DLC1: variants seen among roughly 807,000 people sequenced by gnomAD.
DLC1 encodes DLC1 Rho GTPase activating protein.
Under a neutral mutation model 140.3 loss-of-function variants are expected in DLC1, and 54 were observed. That is an observed-to-expected ratio of 0.38 (90% CI 0.31 to 0.48). The LOEUF is 0.48. Ranked by LOEUF, DLC1 falls within the 20% of genes least tolerant of loss-of-function variation. The probability of loss-of-function intolerance (pLI) is 0.96; values close to 1 mark genes in which losing one functional copy is unlikely to be tolerated. For synonymous variants in DLC1, 986 were observed against 728.1 expected (o/e 1.35, Z -5.70); for missense variants, 2,536 against 1,907.0 (o/e 1.33, Z -6.14).
chr8:13,561,798 T>C (rs1306278359), intron 1 of DLC1, among the ~76,000 whole-genome samples: 1 of 152,196 alleles, frequency 6.6e-6, no homozygotes, highest in East Asian at 1.9e-4. Context: ...AAGACAAAGA[T>C]AAATATCCAA....
intron 2 of DLC1, among the ~76,000 whole-genome samples, chr8:13,479,177 C>T (rs1800570268): frequency 6.6e-6 from 1 of 152,112 alleles, no homozygotes; most frequent in African/African-American, 2.4e-5. Context: ...GAAGAGTGCT[C>T]AGTACATTTT....
At chr8:13,507,765 T>C (rs1802164964) in intron 1 of DLC1, among the ~76,000 whole-genome samples, 1 of 152,196 alleles carries the variant, frequency 6.6e-6, no homozygotes, top group East Asian at 1.9e-4. Flanking sequence ...TTAGGCTGTC[T>C]GGAAAGCATC....
At chr8:13,218,278 A>G (rs1828307381) in intron 5 of DLC1, among the ~76,000 whole-genome samples, 1 of 152,182 alleles carries the variant, frequency 6.6e-6, no homozygotes. Flanking sequence ...AGCTAAAACT[A>G]TAAAACTCCT....
chr8:13,376,491 C>A (rs759003272), intron 4 of DLC1, among the ~76,000 whole-genome samples: 1 of 152,100 alleles, frequency 6.6e-6, no homozygotes, highest in Non-Finnish European at 1.5e-5. Flanking sequence ...CTGCCTGCAA[C>A]CTACCCTTTC....
At chr8:13,132,966 C>A in intron 5 of DLC1, 1 of 1,611,250 alleles carries the variant, frequency 6.2e-7, no homozygotes, top group South Asian at 1.1e-5. Context: ...TGGTGTCCGG[C>A]TTCTTTCTGC....
intron 4 of DLC1, among the ~76,000 whole-genome samples, chr8:13,327,708 C>T (rs1484937012): frequency 2.6e-5 from 4 of 152,224 alleles, no homozygotes; most frequent in Non-Finnish European, 5.9e-5. Flanking sequence ...GTATCAGGCA[C>T]TGTGCCAAGC....
chr8:13,305,017 T>A, intron 5 of DLC1: 4 of 1,111,570 alleles, frequency 3.6e-6, no homozygotes, highest in East Asian at 5.0e-5. Context: ...GAAAAAAAAA[T>A]TGTGGTTGCA....
intron 10 of DLC1, among the ~76,000 whole-genome samples, chr8:13,097,512 T>C (rs559780755): frequency 5.5e-4 from 83 of 152,148 alleles, no homozygotes; most frequent in African/African-American, 1.7e-3. Flanking sequence ...GATCCACCTA[T>C]GTCAGATTCC....
At position 13,084,249 on chromosome 8, in the gene DLC1, T is replaced by G. The variant is rs1275868378; in HGVS notation, c.*1562A>C. 1 of 152,618 alleles carries G rather than the reference T, an allele frequency of 6.6e-6. No homozygotes were observed. Among genetic ancestry groups the G allele is most frequent in the Non-Finnish European group, 1.5e-5 (1 of 68,022 alleles). 9.5% of individuals were successfully genotyped at this position (152,618 alleles called of 1,614,324 possible). On this transcript the variant is annotated 3_prime_UTR_variant, in exon 18 of 18. Coordinates refer to ENST00000276297, the MANE Select transcript of DLC1 (RefSeq NM_182643.3). ...CAAAATTGAATATCCATGTATATCT[T>G]CATGAGGAACACTGATATCCAAAAT...
rs537405124 is a variant in DLC1, at chr8:13,158,190, C to T, written c.1349-42533G>A. Among the ~76,000 whole-genome samples, 9 of 152,256 alleles carry T rather than the reference C, an allele frequency of 5.9e-5. No individual in the cohort carries two copies. The South Asian group carries it at 1.0e-3, about 18-fold the overall frequency. On this transcript the variant is annotated intron_variant, in intron 5 of 17. Transcript: ENST00000276297. Reference sequence around the variant, plus strand: ...AACCATAGTGTATCTCTGGGGTCCCCGCCCAATCACCCCATATCATCAAGA... The same window carrying T: ...AACCATAGTGTATCTCTGGGGTCCCTGCCCAATCACCCCATATCATCAAGA...
intron 12 of DLC1, among the ~76,000 whole-genome samples, chr8:13,094,093 G>A (rs1280790191): frequency 6.6e-6 from 1 of 152,140 alleles, no homozygotes; most frequent in African/African-American, 2.4e-5. Context: ...GGGGTGTGAA[G>A]CAACTGAAAT....
chr8:13,354,902 C>T (rs140569355), intron 4 of DLC1, among the ~76,000 whole-genome samples: 307 of 149,100 alleles, frequency 2.1e-3, no homozygotes, highest in African/African-American at 6.7e-3. Flanking sequence ...CTGCAGCGGG[C>T]CGAGAATACC....
At chr8:13,134,575 A>G (rs977767514) in intron 5 of DLC1, among the ~76,000 whole-genome samples, 1 of 152,202 alleles carries the variant, frequency 6.6e-6, no homozygotes, top group Admixed American at 6.5e-5. Context: ...TTAGTCTCTT[A>G]ATTATAGTTT....
intron 5 of DLC1, among the ~76,000 whole-genome samples, chr8:13,300,670 G>C (rs986381032): frequency 2.0e-5 from 3 of 152,114 alleles, no homozygotes; most frequent in African/African-American, 7.2e-5. Flanking sequence ...ACATGTATCC[G>C]GTCCAGTGAA....
At chr8:13,512,754 G>A (rs886365142) in intron 1 of DLC1, among the ~76,000 whole-genome samples, 12 of 151,832 alleles carry the variant, frequency 7.9e-5, no homozygotes, top group African/African-American at 2.9e-4. Flanking sequence ...TAGAAAAGCT[G>A]TTTTCTAGCC....
In DLC1 at chr8:13,343,057, T is replaced by C. The variant is rs1367261912; in HGVS notation, c.1315-37755A>G. ...GTTAATCATCTCCACCCTTTACTTATTGAAAAGCAGAGATACTTATTTGCT... is the reference window on the plus strand; with the variant it reads ...GTTAATCATCTCCACCCTTTACTTACTGAAAAGCAGAGATACTTATTTGCT... On this transcript the variant is annotated intron_variant, in intron 4 of 17. Coordinates refer to ENST00000276297, the MANE Select transcript of DLC1 (RefSeq NM_182643.3). 2.6e-5 allele frequency among the ~76,000 whole-genome samples: 4 copies of C among 152,160 alleles called. 1 individual carries two copies. The South Asian group carries it at 6.2e-4, about 24-fold the overall frequency.
intron 1 of DLC1, among the ~76,000 whole-genome samples, chr8:13,570,052 A>G (rs17116079): frequency 1.6e-4 from 25 of 152,196 alleles, no homozygotes; most frequent in African/African-American, 6.0e-4. Flanking sequence ...CTAACACACA[A>G]ATCTGTTCAA....
At position 13,524,589 on chromosome 8, in the gene DLC1, G is replaced by C. The variant is rs114387268; in HGVS notation, c.-125-24393C>G. ...GATTTTTTATCTAATACCAGCTCCTGTATTTCTCTCAATGAAACATGATAC... is the reference window on the plus strand; with the variant it reads ...GATTTTTTATCTAATACCAGCTCCTCTATTTCTCTCAATGAAACATGATAC... On this transcript the variant is annotated intron_variant, in intron 1 of 1. Coordinates refer to the DLC1 transcript ENST00000631382. 6.2e-3 allele frequency among the ~76,000 whole-genome samples: 943 copies of C among 152,220 alleles called. 10 individuals carry two copies. The highest frequency in any genetic ancestry group is 0.021 in the African/African-American group (888 of 41,520).
At chr8:13,111,750 A>G (rs1353676716) in intron 6 of DLC1, among the ~76,000 whole-genome samples, 1 of 151,956 alleles carries the variant, frequency 6.6e-6, no homozygotes, top group African/African-American at 2.4e-5. Context: ...GTGCTACTAC[A>G]ATACCAGGAA....
Sources: gnomAD v4.1 joint callset for allele counts (sites outside exome capture counted in the v4.1 genomes callset) on GRCh38, gnomAD v4.1.1 for gene constraint, MANE v1.5 for transcripts, NCBI Gene and HGNC (gene_info 2026-07-23, HGNC 2026-07-21) for gene names.